The following VTI1B variants were observed in gnomAD, a reference collection of about 807,000 sequenced individuals.
The protein encoded by VTI1B is vesicle transport through interaction with t-SNAREs homolog 1B.
A neutral mutation model predicts 28.6 loss-of-function variants in VTI1B; 18 were observed. The observed-to-expected ratio is 0.63, with a 90% CI of 0.43 to 0.93. VTI1B has a LOEUF of 0.93. Among genes scored for constraint, VTI1B ranks in the 40% least tolerant of loss-of-function variants. The pLI, the probability that VTI1B is intolerant of heterozygous loss-of-function variation, is 0.00. For synonymous variants in VTI1B, 100 were observed against 107.9 expected (o/e 0.93, Z 0.46); for missense variants, 283 against 297.0 (o/e 0.95, Z 0.35).
In VTI1B at chr14:67,668,419, G is replaced by A. The variant is rs537929177; in HGVS notation, c.116-5884C>T. On this transcript the variant is annotated intron_variant, in intron 1 of 5. Coordinates refer to ENST00000554659, the MANE Select transcript of VTI1B (RefSeq NM_006370.3). The stretch of plus-strand genomic sequence containing the variant: ...CCTAAAACAGGACACATTGTCTCTA[G>A]TATCATTCAAAGGCAGAAAGTGAAT... Among the ~76,000 whole-genome samples the A allele has an allele frequency of 2.0e-5, 3 of 152,328 alleles. No homozygotes were observed. In the South Asian group the frequency reaches 6.2e-4, roughly 32 times the overall value.
chr14:67,650,656 A>C lies in VTI1B; in HGVS notation c.*729T>G. The C allele has an allele frequency of 6.8e-7, 1 of 1,467,936 alleles. No individual in the cohort carries two copies. Among genetic ancestry groups the C allele is most frequent in the Non-Finnish European group, 9.5e-7 (1 of 1,048,850 alleles). 90.9% of individuals were successfully genotyped at this position (1,467,936 alleles called of 1,614,324 possible). A position where few individuals can be genotyped will look rare whatever the true frequency, so the allele number is the denominator to read the frequency against. On this transcript the variant is annotated 3_prime_UTR_variant, in exon 6 of 6. Coordinates refer to ENST00000554659, the MANE Select transcript of VTI1B (RefSeq NM_006370.3). ...TTGTTCTCCCTGTCCCAGTGGGATGACCCTCACTGAGAGTAGCAGCAAGGG... is the reference window on the plus strand; with the variant it reads ...TTGTTCTCCCTGTCCCAGTGGGATGCCCCTCACTGAGAGTAGCAGCAAGGG...
In VTI1B at chr14:67,667,819, C is replaced by T. The variant is rs148708096; in HGVS notation, c.116-5284G>A. 3.2e-3 allele frequency among the ~76,000 whole-genome samples: 482 copies of T among 152,208 alleles called. 17 individuals are homozygous for T. The East Asian group carries it at 0.081, about 25-fold the overall frequency. ...CTTAGCCCGGCGTGGTGGTGGGCGC[C>T]TGTAGTCCCAGCTACTCGGGAGGCT... On this transcript the variant is annotated intron_variant, in intron 1 of 5. Transcript: ENST00000554659.
chr14:67,659,474 T>C (rs2037308229), intron 3 of VTI1B, among the ~76,000 whole-genome samples: 1 of 152,062 alleles, frequency 6.6e-6, no homozygotes, highest in Admixed American at 6.6e-5. Flanking sequence ...AAGCACTGTT[T>C]TTTTTTTATT....
intron 1 of VTI1B, among the ~76,000 whole-genome samples, chr14:67,665,375 A>G (rs956539168): frequency 6.0e-5 from 9 of 150,624 alleles, no homozygotes; most frequent in African/African-American, 2.2e-4. Context: ...CTGCTCAAGC[A>G]ATTCTCCTGC....
chr14:67,662,180 A>AAC (rs1341810573), intron 2 of VTI1B, among the ~76,000 whole-genome samples: 3 of 143,330 alleles, frequency 2.1e-5, no homozygotes, highest in Admixed American at 7.0e-5. Flanking sequence ...CAACAACAAC[A>AAC]AAAAAAAAAA....
chr14:67,673,449 A>G (rs1277004410), intron 1 of VTI1B, among the ~76,000 whole-genome samples: 1 of 152,126 alleles, frequency 6.6e-6, no homozygotes, highest in African/African-American at 2.4e-5. Context: ...TAATAGTTAT[A>G]TATTGTTTAT....
At position 67,656,413 on chromosome 14, in the gene VTI1B, T is replaced by C. The variant is rs769318940; in HGVS notation, c.540+3A>G. ...GCCCCTTTCCCTGTCTGCCCAGACT[T>C]ACTCTACTCTTGGTACGTTCTAACT... is the stretch of plus-strand genomic sequence containing the variant. On this transcript the variant is annotated splice_donor_region_variant and intron_variant, in intron 4 of 5. Coordinates refer to ENST00000554659, the MANE Select transcript of VTI1B (RefSeq NM_006370.3). 6.2e-7 allele frequency: 1 copy of C among 1,601,744 alleles called. No homozygotes were observed. The highest frequency in any genetic ancestry group is 8.5e-7 in the Non-Finnish European group (1 of 1,172,514).
chr14:67,650,614 CTT>C lies in VTI1B; in HGVS notation c.*769_*770del, dbSNP rs1194052603. On this transcript the variant is annotated 3_prime_UTR_variant, in exon 6 of 6. Transcript: ENST00000554659. ...GGTATTTTCTACTATAAAATGGACT[CTT>C]GTTTTTACTTTGGCTTGTTCTCCCT... 12 of 1,085,760 alleles carry C rather than the reference CTT, an allele frequency of 1.1e-5. No individual in the cohort carries two copies. Among genetic ancestry groups the C allele is most frequent in the South Asian group, 4.0e-5 (3 of 75,668 alleles). 67.3% of individuals were successfully genotyped at this position (1,085,760 alleles called of 1,614,324 possible).
At chr14:67,655,999 A>C (rs992908511) in intron 4 of VTI1B, among the ~76,000 whole-genome samples, 2 of 152,146 alleles carry the variant, frequency 1.3e-5, no homozygotes, top group Non-Finnish European at 2.9e-5. Flanking sequence ...TAATCCTAGC[A>C]CTTTGGGAGG....
chr14:67,648,330 G>A lies in VTI1B; in HGVS notation c.*3055C>T. The A allele has an allele frequency of 4.6e-6, 4 of 864,712 alleles. No individual in the cohort carries two copies. In the South Asian group the frequency reaches 8.4e-5, roughly 18 times the overall value. 53.6% of individuals were successfully genotyped at this position (864,712 alleles called of 1,614,324 possible). On this transcript the variant is annotated 3_prime_UTR_variant, in exon 6 of 6. Coordinates refer to ENST00000554659, the MANE Select transcript of VTI1B (RefSeq NM_006370.3). ...TTGTAGCTAAAAATTATATGGCCAT[G>A]CTAATAAAAAGGATATAGTCCTTTA... is the stretch of plus-strand genomic sequence containing the variant.
At chr14:67,669,379 C>T (rs977664530) in intron 1 of VTI1B, among the ~76,000 whole-genome samples, 1 of 151,578 alleles carries the variant, frequency 6.6e-6, no homozygotes, top group East Asian at 1.9e-4. Flanking sequence ...AAGTGATCCT[C>T]CTGCCTCAGC....
In VTI1B at chr14:67,659,815, C is replaced by G. The variant is rs2037312999; in HGVS notation, c.282G>C (p.Glu94Asp). The change falls in exon 3 of 6, where the codon GAG (glutamate) becomes GAC (aspartate). Residue 94 changes from glutamate to aspartate, a missense_variant. Physicochemically the swap from Glu to Asp is conservative, Grantham distance 45. Transcript: ENST00000554659. The part of the protein sequence containing the change: ...YRKDLAKLHR[E>D]VRSTPLTATP... ...TGGCTGTCAAAGGTGTGCTTCTCAC[C>G]TCCCGATGGAGTTTAGCAAGGTCCT... 1 of 1,614,046 alleles carries G rather than the reference C, an allele frequency of 6.2e-7. No homozygotes were observed. The highest frequency in any genetic ancestry group is 1.3e-5 in the African/African-American group (1 of 74,902).
In VTI1B at chr14:67,656,523, T is replaced by C; in HGVS notation, c.433A>G (p.Ser145Gly). The change falls in exon 4 of 6, where the codon AGT (serine) becomes GGT (glycine). Residue 145 changes from serine to glycine, a missense_variant. Physicochemically the swap from Ser to Gly is moderately conservative, Grantham distance 56 (BLOSUM62 0). Coordinates refer to ENST00000554659, the MANE Select transcript of VTI1B (RefSeq NM_006370.3). ...GCAATCCGATGAGAACGTTCAATAC[T>C]TTGGGTGGCCCGGTTCAGGCTTTCA... ...GTESLNRATQ[S>G]IERSHRIATE... is the part of the protein sequence containing the mutation. The C allele has an allele frequency of 6.2e-7, 1 of 1,613,972 alleles. No homozygotes were observed. The highest frequency in any genetic ancestry group is 8.5e-7 in the Non-Finnish European group (1 of 1,179,862).
chr14:67,663,482 C>T (rs1025037318), intron 1 of VTI1B, among the ~76,000 whole-genome samples: 2 of 151,758 alleles, frequency 1.3e-5, no homozygotes, highest in African/African-American at 4.8e-5. Flanking sequence ...GACCATCCTG[C>T]CTAACACGGT....
chr14:67,660,025 C>T lies in VTI1B; in HGVS notation c.175-103G>A, dbSNP rs528216622. On this transcript the variant is annotated intron_variant, in intron 2 of 5. Coordinates refer to ENST00000554659, the MANE Select transcript of VTI1B (RefSeq NM_006370.3). ...TCAAACTACTTATTTATTTGGACTA[C>T]ACCAAGTAAATAACCATATGCTCCA... 7.2e-5 allele frequency: 84 copies of T among 1,169,126 alleles called. 1 individual carries two copies. The African/African-American group carries it at 9.8e-4, about 14-fold the overall frequency. The allele number at this position is 1,169,126 out of a possible 1,614,324, so 72.4% of individuals were successfully genotyped here. A position where few individuals can be genotyped will look rare whatever the true frequency, so the allele number is the denominator to read the frequency against.
intron 1 of VTI1B, among the ~76,000 whole-genome samples, chr14:67,671,483 A>AAGTCG (rs2037464390): frequency 6.6e-6 from 1 of 152,094 alleles, no homozygotes; most frequent in South Asian, 2.1e-4. Context: ...CTGAGATTGT[A>AAGTCG]CCACTGCACT....
Position 67,651,451 on chromosome 14 carries a change from A to G in VTI1B, c.633T>C (p.Ile211=). The G allele has an allele frequency of 1.9e-6, 3 of 1,613,926 alleles. No individual in the cohort carries two copies. Among genetic ancestry groups the G allele is most frequent in the Middle Eastern group, 1.6e-4 (1 of 6,062 alleles). ...KVTTNKLLLS[I]IILLELAILG... ...GGATGGCGAGCTCCAGTAAGATGAT[A>G]ATGGAAAGCAGCAGCTTGTTGGTTG... Residue 211 remains isoleucine, a synonymous_variant, in exon 6 of 6, where the codon ATT becomes ATC. Transcript: ENST00000554659.
chr14:67,655,963 C>T (rs774123970), intron 4 of VTI1B, among the ~76,000 whole-genome samples: 6 of 152,020 alleles, frequency 3.9e-5, no homozygotes, highest in African/African-American at 7.2e-5. Context: ...TTGAGCAAAG[C>T]GGCCGGGCAC....
At position 67,650,875 on chromosome 14, in the gene VTI1B, C is replaced by T. The variant is rs2037165704; in HGVS notation, c.*510G>A. On this transcript the variant is annotated 3_prime_UTR_variant, in exon 6 of 6. Coordinates refer to ENST00000554659, the MANE Select transcript of VTI1B (RefSeq NM_006370.3). Reference sequence around the variant, plus strand: ...TTGTCTATGACCAACTTCCTACTCCCAGTTCACCAGATGAATCAGAAAATC... The same window carrying T: ...TTGTCTATGACCAACTTCCTACTCCTAGTTCACCAGATGAATCAGAAAATC... 2.5e-6 allele frequency: 4 copies of T among 1,614,156 alleles called. No individual in the cohort carries two copies. The highest frequency in any genetic ancestry group is 2.5e-6 in the Non-Finnish European group (3 of 1,180,008).
Sources: gnomAD v4.1 joint callset for allele counts (sites outside exome capture counted in the v4.1 genomes callset) on GRCh38, gnomAD v4.1.1 for gene constraint, MANE v1.5 for transcripts, NCBI Gene and HGNC (gene_info 2026-07-23, HGNC 2026-07-21) for gene names.